Variants in SORCS3 observed in about 807,000 individuals in gnomAD.
The protein encoded by SORCS3 is sortilin related VPS10 domain containing receptor 3.
A neutral mutation model predicts 146.3 loss-of-function variants in SORCS3; 57 were observed. The observed-to-expected ratio is 0.39, with a 90% CI of 0.31 to 0.49. SORCS3 has a LOEUF of 0.49. Ranked by LOEUF, SORCS3 falls within the 20% of genes least tolerant of loss-of-function variation. SORCS3 has a pLI of 0.92. For missense variants in SORCS3, 1,341 were observed against 1,575.5 expected (o/e 0.85, Z 2.52); for synonymous variants, 653 against 618.5 (o/e 1.06, Z -0.83).
intron 6 of SORCS3, among the ~76,000 whole-genome samples, chr10:105,102,487 A>G (rs1315718523): frequency 1.3e-5 from 2 of 152,182 alleles, no homozygotes; most frequent in Non-Finnish European, 2.9e-5. Context: ...TTGAGTACAT[A>G]CAGACACAAA....
chr10:104,773,807 C>T (rs1007288544), intron 1 of SORCS3, among the ~76,000 whole-genome samples: 12 of 152,208 alleles, frequency 7.9e-5, no homozygotes, highest in Admixed American at 1.3e-4. Flanking sequence ...GGCTGGTTTC[C>T]TCCACCTCTG....
At chr10:105,083,764 G>T (rs915613590) in intron 5 of SORCS3, among the ~76,000 whole-genome samples, 1 of 152,024 alleles carries the variant, frequency 6.6e-6, no homozygotes, top group Non-Finnish European at 1.5e-5. Context: ...AGTTCATGTA[G>T]TCTAGAACCA....
chr10:104,743,042 T>C (rs1421972815), intron 1 of SORCS3, among the ~76,000 whole-genome samples: 3 of 152,196 alleles, frequency 2.0e-5, no homozygotes, highest in Non-Finnish European at 1.5e-5. Context: ...AAAAATTTCA[T>C]AATAATCCTG....
intron 23 of SORCS3, 122 bp from the exon 24 acceptor site, chr10:105,255,580 A>C: frequency 1.5e-6 from 1 of 661,826 alleles, no homozygotes; most frequent in Non-Finnish European, 2.7e-6. Context: ...ATTTTTCACT[A>C]TCTTATCCCT....
At chr10:104,715,111 A>C (rs1023661698) in intron 1 of SORCS3, among the ~76,000 whole-genome samples, 4 of 152,186 alleles carry the variant, frequency 2.6e-5, no homozygotes, top group Admixed American at 1.3e-4. Context: ...TTGTGTGTCA[A>C]CTTGACTGGG....
chr10:104,952,045 G>A (rs768072700), intron 3 of SORCS3, among the ~76,000 whole-genome samples: 7 of 150,898 alleles, frequency 4.6e-5, no homozygotes, highest in African/African-American at 1.2e-4. Context: ...AATTTGAATC[G>A]TTCCCCCGAT....
At chr10:104,948,427 C>T (rs1321262716) in intron 3 of SORCS3, among the ~76,000 whole-genome samples, 1 of 152,128 alleles carries the variant, frequency 6.6e-6, no homozygotes, top group African/African-American at 2.4e-5. Flanking sequence ...GGCAAGGACT[C>T]TCAGTGTGGA....
At chr10:104,938,904 C>G (rs906457830) in intron 3 of SORCS3, among the ~76,000 whole-genome samples, 3 of 152,338 alleles carry the variant, frequency 2.0e-5, no homozygotes, top group South Asian at 2.1e-4. Flanking sequence ...GGTTCTCAAT[C>G]TTTCCCTGGA....
At chr10:104,853,584 T>C (rs2018297096) in intron 2 of SORCS3, among the ~76,000 whole-genome samples, 1 of 152,186 alleles carries the variant, frequency 6.6e-6, no homozygotes, top group South Asian at 2.1e-4. Flanking sequence ...GCTGCCTCCT[T>C]TGAGGTTTAA....
At chr10:104,655,193 C>T (rs2015612326) in intron 1 of SORCS3, among the ~76,000 whole-genome samples, 1 of 148,912 alleles carries the variant, frequency 6.7e-6, no homozygotes, top group African/African-American at 2.5e-5. Context: ...GCGGAGGTTG[C>T]AGTGAGCAGA....
At chr10:104,685,419 A>T (rs1299715733) in intron 1 of SORCS3, among the ~76,000 whole-genome samples, 2 of 152,106 alleles carry the variant, frequency 1.3e-5, no homozygotes, top group Admixed American at 6.5e-5. Flanking sequence ...CTGGAGTGAG[A>T]TCATGGGGCC....
chr10:105,102,766 A>C (rs139290619), intron 6 of SORCS3, among the ~76,000 whole-genome samples: 400 of 149,372 alleles, frequency 2.7e-3, no homozygotes, highest in South Asian at 0.017. Context: ...TTTATATTTA[A>C]ATTACCTCTC....
chr10:104,912,490 C>T (rs2018979283), intron 2 of SORCS3, among the ~76,000 whole-genome samples: 1 of 152,214 alleles, frequency 6.6e-6, no homozygotes, highest in African/African-American at 2.4e-5. Context: ...ACAGACCTTG[C>T]TAGACTGTAC....
At chr10:104,904,975 G>A (rs2018890245) in intron 2 of SORCS3, among the ~76,000 whole-genome samples, 1 of 152,150 alleles carries the variant, frequency 6.6e-6, no homozygotes, top group South Asian at 2.1e-4. Flanking sequence ...AAGAGTCACT[G>A]TGATAGTTTA....
intron 1 of SORCS3, among the ~76,000 whole-genome samples, chr10:104,669,306 A>G (rs1485385653): frequency 1.3e-5 from 2 of 152,232 alleles, no homozygotes; most frequent in Non-Finnish European, 2.9e-5. Context: ...CATTAAGTAC[A>G]TTCATAATGT....
intron 3 of SORCS3, among the ~76,000 whole-genome samples, chr10:104,939,259 T>A (rs1345474937): frequency 6.6e-6 from 1 of 152,184 alleles, no homozygotes; most frequent in Admixed American, 6.5e-5. Flanking sequence ...CTCCCTAGCA[T>A]GTATCTTCCT....
chr10:104,873,945 C>A (rs1564703202), intron 2 of SORCS3, among the ~76,000 whole-genome samples: 1 of 152,174 alleles, frequency 6.6e-6, no homozygotes, highest in Non-Finnish European at 1.5e-5. Flanking sequence ...CATGTTGGAA[C>A]TATTCATCTG....
At chr10:105,134,278 A>T in intron 7 of SORCS3, among the ~76,000 whole-genome samples, 1 of 152,150 alleles carries the variant, frequency 6.6e-6, no homozygotes, top group East Asian at 1.9e-4. Flanking sequence ...CATAAAGGCT[A>T]TGTGCAGTTC....
intron 1 of SORCS3, among the ~76,000 whole-genome samples, chr10:104,754,516 G>T (rs577986899): frequency 2.0e-5 from 3 of 152,058 alleles, no homozygotes; most frequent in African/African-American, 4.8e-5. Context: ...TCCAGAATAG[G>T]GGGGGAAAAA....
Sources: gnomAD v4.1 joint callset for allele counts (sites outside exome capture counted in the v4.1 genomes callset) on GRCh38, gnomAD v4.1.1 for gene constraint, MANE v1.5 for transcripts, NCBI Gene and HGNC (gene_info 2026-07-23, HGNC 2026-07-21) for gene names.